KCNMA1: variants seen among roughly 807,000 people sequenced by gnomAD.
KCNMA1 encodes Calcium-activated potassium channel subunit alpha-1.
In KCNMA1, 29 loss-of-function variants were observed where a neutral mutation model predicts 140.0. That is an observed-to-expected ratio of 0.21 (90% CI 0.15 to 0.28). The LOEUF (loss-of-function observed/expected upper bound fraction) is 0.28, where lower values mean the gene tolerates loss of function less well. KCNMA1 is among the 10% of genes least tolerant of loss of function. The pLI is 1.00. For synonymous variants in KCNMA1, 612 were observed against 611.9 expected, an observed-to-expected ratio of 1.00 and a Z score of 0.00; for missense variants, 880 against 1,602.2, an observed-to-expected ratio of 0.55 and a Z score of 7.70.
chr10:77,403,463 AC>A (rs1279237508), intron 2 of KCNMA1, among the ~76,000 whole-genome samples: 1 of 152,146 alleles, frequency 6.6e-6, no homozygotes, highest in Non-Finnish European at 1.5e-5. Context: ...TCCCCCGAAG[AC>A]CACCAAACAC....
chr10:77,205,493 G>T (rs1598689605), intron 3 of KCNMA1, among the ~76,000 whole-genome samples: 3 of 152,180 alleles, frequency 2.0e-5, no homozygotes, highest in South Asian at 4.1e-4. Flanking sequence ...AACCCAAAGG[G>T]TCTCCTTGGA....
chr10:77,120,218 G>A (rs577436872), intron 6 of KCNMA1, among the ~76,000 whole-genome samples: 4 of 152,138 alleles, frequency 2.6e-5, no homozygotes, highest in South Asian at 2.1e-4. Context: ...ATTAGAGCAC[G>A]TCTAACCTCT....
chr10:77,383,412 ATTTT>A (rs11326515), intron 2 of KCNMA1, among the ~76,000 whole-genome samples: 1 of 143,538 alleles, frequency 7.0e-6, no homozygotes. Flanking sequence ...TAACCTCGAG[ATTTT>A]TTTTTTTTTT....
At chr10:77,267,594 G>A (rs896596408) in intron 2 of KCNMA1, among the ~76,000 whole-genome samples, 14 of 152,088 alleles carry the variant, frequency 9.2e-5, no homozygotes, top group African/African-American at 2.2e-4. Context: ...TTCTTGGATC[G>A]CTGTGATGGC....
chr10:77,541,176 A>G (rs2154555008), intron 1 of KCNMA1, among the ~76,000 whole-genome samples: 1 of 152,312 alleles, frequency 6.6e-6, no homozygotes, highest in South Asian at 2.1e-4. Flanking sequence ...CACATATTGT[A>G]TCAGTGAGTA....
In KCNMA1 at chr10:76,918,499, T is replaced by A. The variant is rs539414163; in HGVS notation, c.2903-3450A>T. Among the ~76,000 whole-genome samples the A allele has an allele frequency of 9.2e-5, 14 of 152,274 alleles. No individual in the cohort carries two copies. In the Middle Eastern group the frequency reaches 0.01, roughly 111 times the overall value. ...GTTTGTTGGCCATTTGTATATAACA[T>A]CACTAAGTATCAGGAAAATGCAAAT... On this transcript the variant is annotated intron_variant, in intron 23 of 27. Coordinates refer to ENST00000286628, the MANE Select transcript of KCNMA1 (RefSeq NM_001161352.2).
At position 77,224,382 on chromosome 10, in the gene KCNMA1, C is replaced by T. The variant is rs75537345; in HGVS notation, c.602+26813G>A. ...GAGCACGTGGATTTCACATCTTCTC[C>T]TCTTTTCAGTATAGCTCTCAAGCCC... On this transcript the variant is annotated intron_variant, in intron 3 of 27. Coordinates refer to ENST00000286628, the MANE Select transcript of KCNMA1 (RefSeq NM_001161352.2). Among the ~76,000 whole-genome samples the T allele has an allele frequency of 6.5e-3, 985 of 152,332 alleles. 15 individuals carry two copies. The highest frequency in any genetic ancestry group is 0.022 in the African/African-American group (921 of 41,560).
At chr10:77,400,296 C>G (rs1216503743) in intron 2 of KCNMA1, among the ~76,000 whole-genome samples, 3 of 152,178 alleles carry the variant, frequency 2.0e-5, no homozygotes, top group African/African-American at 7.2e-5. Context: ...GCAGCAGGTC[C>G]CACTTGCTCT....
chr10:77,286,114 T>C (rs1251010647), intron 2 of KCNMA1, among the ~76,000 whole-genome samples: 1 of 152,186 alleles, frequency 6.6e-6, no homozygotes, highest in Non-Finnish European at 1.5e-5. Context: ...CAATTAATTG[T>C]GTAATTTTTT....
chr10:77,493,608 G>T (rs550518279), intron 1 of KCNMA1, among the ~76,000 whole-genome samples: 2 of 152,352 alleles, frequency 1.3e-5, no homozygotes, highest in East Asian at 3.9e-4. Flanking sequence ...CCTGCAAAAG[G>T]CCACATGTTT....
intron 2 of KCNMA1, among the ~76,000 whole-genome samples, chr10:77,332,243 GA>G (rs1467005175): frequency 1.3e-5 from 2 of 151,560 alleles, no homozygotes; most frequent in African/African-American, 4.8e-5. Flanking sequence ...GGATGAGAGG[GA>G]AAAAAAGGAG....
intron 2 of KCNMA1, among the ~76,000 whole-genome samples, chr10:77,278,187 A>T (rs1725583738): frequency 6.6e-6 from 1 of 152,186 alleles, no homozygotes; most frequent in African/African-American, 2.4e-5. Flanking sequence ...TGGCCACCTG[A>T]TAGGTGCTAT....
rs575507832 is a variant in KCNMA1 at position 77,637,773 on chromosome 10, G to C, written c.-131C>G. ...CCGCCGCCGCCGCGGAGCGCGGGAG[G>C]GGGGCGGGGAGGCGCCTGGGCTCGG... is the stretch of plus-strand genomic sequence containing the variant. On this transcript the variant is annotated 5_prime_UTR_variant, in exon 1 of 28. Transcript: ENST00000286628. 9.6e-5 allele frequency: 125 copies of C among 1,300,072 alleles called. 1 individual carries two copies. The African/African-American group carries it at 1.3e-3, about 13-fold the overall frequency. 80.5% of individuals were successfully genotyped at this position (1,300,072 alleles called of 1,614,324 possible).
Position 77,500,295 on chromosome 10 carries a change from T to A in KCNMA1, c.379-96272A>T, listed in dbSNP as rs377173138. The stretch of plus-strand genomic sequence containing the variant: ...AATATATAAAATTATACACTGTTTA[T>A]AAGAAATATACCCTAAACCAAGTGA... On this transcript the variant is annotated intron_variant, in intron 1 of 27. Transcript: ENST00000286628. Among the ~76,000 whole-genome samples, 16 of 151,636 alleles carry A rather than the reference T, an allele frequency of 1.1e-4. No individual in the cohort carries two copies. The South Asian group carries it at 2.5e-3, about 24-fold the overall frequency.
At chr10:77,021,503 A>T (rs1593882222) in intron 16 of KCNMA1, among the ~76,000 whole-genome samples, 1 of 152,222 alleles carries the variant, frequency 6.6e-6, no homozygotes, top group East Asian at 1.9e-4. Context: ...ATGACCCAGG[A>T]GGTGCCCTAT....
At chr10:77,370,421 A>C (rs917556037) in intron 2 of KCNMA1, among the ~76,000 whole-genome samples, 1 of 152,148 alleles carries the variant, frequency 6.6e-6, no homozygotes, top group African/African-American at 2.4e-5. Context: ...GCCCTTCCAC[A>C]TATGATAAGA....
chr10:76,941,431 A>C (rs1481839808), intron 23 of KCNMA1, among the ~76,000 whole-genome samples: 1 of 152,160 alleles, frequency 6.6e-6, no homozygotes, highest in Non-Finnish European at 1.5e-5. Context: ...CAAGGAGTGG[A>C]GTGCTGGGTC....
intron 19 of KCNMA1, among the ~76,000 whole-genome samples, chr10:76,994,376 A>G (rs572778507): frequency 1.3e-4 from 20 of 152,310 alleles, no homozygotes; most frequent in African/African-American, 4.1e-4. Context: ...AACAACACAT[A>G]CACACATCCT....
chr10:77,057,354 A>G (rs911259718), intron 14 of KCNMA1, among the ~76,000 whole-genome samples: 1 of 152,306 alleles, frequency 6.6e-6, no homozygotes, highest in African/African-American at 2.4e-5. Context: ...ATATTTTCAG[A>G]TGACAGAAAA....
Sources: allele counts gnomAD v4.1 joint callset (sites outside exome capture counted in the v4.1 genomes callset), GRCh38; gene constraint gnomAD v4.1.1; transcripts MANE v1.5; gene names NCBI Gene and HGNC (gene_info 2026-07-23, HGNC 2026-07-21).